Variants in SEMA5A observed in about 807,000 individuals in gnomAD.
The protein encoded by SEMA5A is semaphorin-5A.
SEMA5A carries 55 observed loss-of-function variants against 135.5 expected under a neutral mutation model. The ratio of observed to expected loss-of-function variants is 0.41; its 90% CI spans 0.33 to 0.51. SEMA5A has a LOEUF of 0.51. Ranked by LOEUF, SEMA5A falls within the 20% of genes least tolerant of loss-of-function variation. SEMA5A has a pLI of 0.37. For synonymous variants in SEMA5A, 580 were observed against 546.5 expected (o/e 1.06, Z -0.85); for missense variants, 1,290 against 1,419.9 (o/e 0.91, Z 1.47).
intron 4 of SEMA5A, among the ~76,000 whole-genome samples, chr5:9,325,814 T>C (rs1355613008): frequency 4.0e-5 from 3 of 74,810 alleles, no homozygotes; most frequent in Non-Finnish European, 1.4e-4. Flanking sequence ...AATATGACTA[T>C]AAAATCAAAG....
At chr5:9,205,340 GGAA>G (rs1745952306) in intron 8 of SEMA5A, among the ~76,000 whole-genome samples, 1 of 105,164 alleles carries the variant, frequency 9.5e-6, no homozygotes, top group South Asian at 2.6e-4. Flanking sequence ...AAGAAAAAGT[GGAA>G]GAAGAAACAA....
At chr5:9,430,550 T>A (rs932187177) in intron 2 of SEMA5A, among the ~76,000 whole-genome samples, 3 of 152,114 alleles carry the variant, frequency 2.0e-5, no homozygotes, top group Non-Finnish European at 4.4e-5. Context: ...GAGGCTAAGA[T>A]GCAAAGCCCA....
intron 8 of SEMA5A, among the ~76,000 whole-genome samples, chr5:9,203,143 C>T (rs1016400644): frequency 5.9e-5 from 9 of 152,212 alleles, no homozygotes; most frequent in African/African-American, 2.2e-4. Context: ...TTTTGAGATA[C>T]ACATACTCCG....
chr5:9,195,572 CT>C (rs1317007333), intron 10 of SEMA5A, among the ~76,000 whole-genome samples: 3 of 152,178 alleles, frequency 2.0e-5, no homozygotes, highest in African/African-American at 7.2e-5. Context: ...ATTTTTATCC[CT>C]TTCCCCCTTT....
chr5:9,196,723 C>T (rs1745405753), intron 10 of SEMA5A, among the ~76,000 whole-genome samples: 1 of 152,220 alleles, frequency 6.6e-6, no homozygotes, highest in Non-Finnish European at 1.5e-5. Flanking sequence ...GCATCACATT[C>T]TGTCCTTCCC....
chr5:9,394,212 C>T (rs765426992), intron 2 of SEMA5A, among the ~76,000 whole-genome samples: 19 of 152,146 alleles, frequency 1.2e-4, no homozygotes, highest in Non-Finnish European at 2.4e-4. Flanking sequence ...TCTTAGGCCC[C>T]ACACTTTCCC....
chr5:9,440,392 T>A (rs1310775287), intron 1 of SEMA5A, among the ~76,000 whole-genome samples: 1 of 152,236 alleles, frequency 6.6e-6, no homozygotes, highest in African/African-American at 2.4e-5. Flanking sequence ...AGAAACTGCT[T>A]ATTTTTTATA....
rs1738349523 is a variant in SEMA5A, at chr5:9,545,616, G to GT, written c.-208_-207insA. 6.6e-6 allele frequency: 1 copy of GT among 152,250 alleles called. No homozygotes were observed. Among genetic ancestry groups the GT allele is most frequent in the Non-Finnish European group, 1.5e-5 (1 of 68,108 alleles). The allele number at this position is 152,250 out of a possible 1,614,324, so 9.4% of individuals were successfully genotyped here. On this transcript the variant is annotated 5_prime_UTR_variant, in exon 1 of 23. Coordinates refer to ENST00000382496, the MANE Select transcript of SEMA5A (RefSeq NM_003966.3). This position sits in a 1 kb window ranked among gnomAD's most constrained non-coding sequence, Gnocchi z 4.5. ...GAGGAGCGCTGGTGCCAGTCATCCA[G>GT]CGCCTGGGGGCCAGAGCGGCTCCGA...
chr5:9,417,352 G>T (rs1215576773), intron 2 of SEMA5A, among the ~76,000 whole-genome samples: 2 of 152,124 alleles, frequency 1.3e-5, no homozygotes, highest in Non-Finnish European at 2.9e-5. Flanking sequence ...CCATATTTAC[G>T]TGTGCACATT....
At chr5:9,334,534 G>C (rs1753297898) in intron 4 of SEMA5A, among the ~76,000 whole-genome samples, 1 of 152,170 alleles carries the variant, frequency 6.6e-6, no homozygotes, top group Admixed American at 6.5e-5. Flanking sequence ...GCGCTCACCA[G>C]CCTGCCTGTT....
At chr5:9,361,907 C>T (rs1306957882) in intron 3 of SEMA5A, among the ~76,000 whole-genome samples, 2 of 152,174 alleles carry the variant, frequency 1.3e-5, no homozygotes, top group Non-Finnish European at 2.9e-5. Flanking sequence ...AAATCCAGAA[C>T]TGAGAACACT....
At chr5:9,240,637 C>T (rs1052855029) in intron 5 of SEMA5A, among the ~76,000 whole-genome samples, 8 of 151,866 alleles carry the variant, frequency 5.3e-5, no homozygotes, top group South Asian at 2.1e-4. Context: ...CTCACAGTGA[C>T]GCATTTTTCT....
chr5:9,499,672 C>T lies in SEMA5A; in HGVS notation c.-175+45912G>A, dbSNP rs1399992893. Among the ~76,000 whole-genome samples, 3 of 152,200 alleles carry T rather than the reference C, an allele frequency of 2.0e-5. 1 individual carries two copies. The highest frequency in any genetic ancestry group is 4.4e-5 in the Non-Finnish European group (3 of 68,024). On this transcript the variant is annotated intron_variant, in intron 1 of 22. Transcript: ENST00000382496. ...GACAGTTCAGTTCTTTAGTATTTTA[C>T]TTCTCTTTTATCGCTCAAGACAAAG...
At chr5:9,297,332 T>C (rs1751388081) in intron 5 of SEMA5A, among the ~76,000 whole-genome samples, 2 of 152,018 alleles carry the variant, frequency 1.3e-5, no homozygotes, top group African/African-American at 4.8e-5. Flanking sequence ...CTCTGAGAAA[T>C]TCATATGTTG....
intron 16 of SEMA5A, among the ~76,000 whole-genome samples, chr5:9,084,490 G>A (rs933435876): frequency 6.6e-6 from 1 of 152,126 alleles, no homozygotes; most frequent in African/African-American, 2.4e-5. Context: ...TTCCCTTGCT[G>A]TTCTCATGAT....
At chr5:9,224,394 AAAC>A (rs1039167876) in intron 8 of SEMA5A, among the ~76,000 whole-genome samples, 1 of 47,090 alleles carries the variant, frequency 2.1e-5, no homozygotes, top group Non-Finnish European at 3.9e-5. Context: ...TCTAGACATT[AAAC>A]AACAATATAA....
chr5:9,452,691 A>G (rs1051337404), intron 1 of SEMA5A, among the ~76,000 whole-genome samples: 8 of 152,308 alleles, frequency 5.3e-5, no homozygotes, highest in South Asian at 2.1e-4. Flanking sequence ...TAAAAGAAAA[A>G]CTGAGATGCA....
At chr5:9,064,331 ACT>A (rs994057341) in intron 17 of SEMA5A, among the ~76,000 whole-genome samples, 1 of 152,102 alleles carries the variant, frequency 6.6e-6, no homozygotes, top group African/African-American at 2.4e-5. Flanking sequence ...GAAGAATAAA[ACT>A]CTATGCGCAC....
rs77204181 is a variant in SEMA5A at position 9,063,029 on chromosome 5, C to T, written c.2376G>A (p.Ser792=). The change falls in exon 18 of 23, where the codon TCG becomes TCA. Residue 792 remains serine, a synonymous_variant. Transcript: ENST00000382496. ...TGCAGTCACGGCTGCACTGTGACCACGACGTCCAGGCTGACCAAGCCCCGT... is the reference window on the plus strand; with the variant it reads ...TGCAGTCACGGCTGCACTGTGACCATGACGTCCAGGCTGACCAAGCCCCGT... ...TVNGAWSAWT[S]WSQCSRDCSR... 7.9e-3 allele frequency: 12,820 copies of T among 1,614,220 alleles called. 88 individuals are homozygous for T. Among genetic ancestry groups the T allele is most frequent in the South Asian group, 0.012 (1,058 of 91,090 alleles).
Sources: gnomAD v4.1 joint callset for allele counts (sites outside exome capture counted in the v4.1 genomes callset) on GRCh38, gnomAD v4.1.1 for gene constraint, Gnocchi (gnomAD v3.1) non-coding constraint, MANE v1.5 for transcripts, NCBI Gene and HGNC (gene_info 2026-07-23, HGNC 2026-07-21) for gene names.